SPON1: variants seen among roughly 807,000 people sequenced by gnomAD.
SPON1 encodes spondin-1.
SPON1 carries 52 observed loss-of-function variants against 111.7 expected under a neutral mutation model. The ratio of observed to expected loss-of-function variants is 0.47; its 90% confidence interval spans 0.37 to 0.59. The LOEUF (loss-of-function observed/expected upper bound fraction) is 0.59. SPON1 is among the 20% of genes least tolerant of loss of function. The pLI, the probability that SPON1 is intolerant of heterozygous loss-of-function variation, is 0.00. For missense variants in SPON1, 957 were observed against 1,068.5 expected (o/e 0.90, Z 1.46); for synonymous variants, 410 against 395.8 (o/e 1.04, Z -0.43).
At chr11:13,991,821 G>A (rs1425701407) in intron 2 of SPON1, among the ~76,000 whole-genome samples, 1 of 152,172 alleles carries the variant, frequency 6.6e-6, no homozygotes, top group Non-Finnish European at 1.5e-5. Flanking sequence ...AGGCCCCTGT[G>A]CTGCCAGTCT....
chr11:14,154,900 A>C (rs1847825809), intron 6 of SPON1, among the ~76,000 whole-genome samples: 1 of 152,066 alleles, frequency 6.6e-6, no homozygotes. Flanking sequence ...TCTAAGATAA[A>C]ATTTCTAAAT....
At chr11:14,157,819 A>G (rs1847866818) in intron 6 of SPON1, among the ~76,000 whole-genome samples, 1 of 152,072 alleles carries the variant, frequency 6.6e-6, no homozygotes, top group Admixed American at 6.6e-5. Flanking sequence ...AATTCTAGTT[A>G]TATTTATTAA....
At chr11:14,081,776 C>T (rs1264913152) in intron 5 of SPON1, among the ~76,000 whole-genome samples, 4 of 152,112 alleles carry the variant, frequency 2.6e-5, no homozygotes, top group South Asian at 2.1e-4. Flanking sequence ...CATGATTGGA[C>T]TTAAGAAGAC....
intron 5 of SPON1, among the ~76,000 whole-genome samples, chr11:14,083,333 A>G (rs1848978834): frequency 6.6e-6 from 1 of 152,230 alleles, no homozygotes; most frequent in Non-Finnish European, 1.5e-5. Context: ...TGGTTGAAGT[A>G]TGCGGAGAAA....
Position 14,259,289 on chromosome 11 carries a change from C to T in SPON1, c.1502C>T (p.Thr501Ile). The change falls in exon 12 of 16, where the codon ACC becomes ATC. Residue 501 changes from threonine to isoleucine, a missense_variant. This residue lies in a region of SPON1 where 549 missense variants were observed against 606.2 expected (regional missense o/e 0.91). Coordinates refer to ENST00000576479, the MANE Select transcript of SPON1 (RefSeq NM_006108.4). This position sits in a 1 kb window ranked among gnomAD's most constrained non-coding sequence, Gnocchi z 5.0. ...ACTCGGTGTGTTGCAGACGGCTCCA[C>T]CTGCACCATGTCCGAGTGGATCACC... ...GPGCSDEDGS[T>I]CTMSEWITWS... is the part of the protein sequence containing the mutation. 3 of 1,611,800 alleles carry T rather than the reference C, an allele frequency of 1.9e-6. No individual in the cohort carries two copies. The highest frequency in any genetic ancestry group is 2.5e-6 in the Non-Finnish European group (3 of 1,179,246).
At chr11:14,164,488 C>T (rs1848004248) in intron 6 of SPON1, among the ~76,000 whole-genome samples, 2 of 152,182 alleles carry the variant, frequency 1.3e-5, no homozygotes, top group Non-Finnish European at 2.9e-5. Context: ...CCCTCTTTGT[C>T]TTCTGGACTG....
intron 6 of SPON1, among the ~76,000 whole-genome samples, chr11:14,164,166 G>A (rs544547927): frequency 3.9e-5 from 6 of 152,172 alleles, no homozygotes; most frequent in African/African-American, 1.2e-4. Context: ...AAAGAAATTC[G>A]TTTATCCACA....
intron 6 of SPON1, among the ~76,000 whole-genome samples, chr11:14,153,937 A>G (rs1847813631): frequency 6.6e-6 from 1 of 152,242 alleles, no homozygotes; most frequent in Non-Finnish European, 1.5e-5. Context: ...CAGGGCAGTC[A>G]TTAAATCTCA....
intron 1 of SPON1, among the ~76,000 whole-genome samples, chr11:13,975,265 C>T (rs1554908955): frequency 6.6e-6 from 1 of 151,740 alleles, no homozygotes; most frequent in Admixed American, 6.6e-5. Flanking sequence ...CTAGTGTAGA[C>T]CAAATGCTCA....
rs550342778 is a variant in SPON1, at chr11:13,979,914, GCTGT to G, written c.239-2923_239-2920del. Among the ~76,000 whole-genome samples the G allele has an allele frequency of 1.8e-3, 278 of 152,174 alleles. 1 individual carries two copies. The highest frequency in any genetic ancestry group is 0.017 in the Middle Eastern group (5 of 294). On this transcript the variant is annotated intron_variant, in intron 1 of 15. Coordinates refer to ENST00000576479, the MANE Select transcript of SPON1 (RefSeq NM_006108.4). Reference sequence around the variant, plus strand: ...CTAGAGAGTCTAAGACTGCTTTTTGGCTGTCTGTCTGTCCTTCAGAGATTCCCAG... The same window carrying G: ...CTAGAGAGTCTAAGACTGCTTTTTGGCTGTCTGTCCTTCAGAGATTCCCAG...
At chr11:14,246,819 G>T (rs1340194021) in intron 7 of SPON1, among the ~76,000 whole-genome samples, 1 of 152,170 alleles carries the variant, frequency 6.6e-6, no homozygotes, top group Non-Finnish European at 1.5e-5. Context: ...TGAAGGAAAG[G>T]CATAAAGTGC....
At chr11:14,099,286 T>C (rs1348984463) in intron 5 of SPON1, among the ~76,000 whole-genome samples, 6 of 152,260 alleles carry the variant, frequency 3.9e-5, no homozygotes, top group Non-Finnish European at 7.3e-5. Flanking sequence ...TAATAAGCTG[T>C]GTAGCTTATT....
intron 6 of SPON1, among the ~76,000 whole-genome samples, chr11:14,198,399 A>C (rs1848425287): frequency 6.6e-6 from 1 of 152,224 alleles, no homozygotes; most frequent in South Asian, 2.1e-4. Flanking sequence ...TGGGATGTTG[A>C]CTGCCTCTTG....
rs565351378 is a variant in SPON1 at position 14,119,826 on chromosome 11, C to T, written c.677-15594C>T. Among the ~76,000 whole-genome samples the T allele has an allele frequency of 9.8e-5, 15 of 152,286 alleles. No homozygotes were observed. In the East Asian group the frequency reaches 2.5e-3, roughly 25 times the overall value. On this transcript the variant is annotated intron_variant, in intron 5 of 15. Transcript: ENST00000576479. The stretch of plus-strand genomic sequence containing the variant: ...CAGTTGGTTCTTATATTTAGCAGTA[C>T]ACAAACGTACACCAAATTCTAGAGC...
intron 2 of SPON1, among the ~76,000 whole-genome samples, chr11:14,001,778 A>C (rs1469427601): frequency 1.2e-4 from 19 of 152,210 alleles, no homozygotes; most frequent in Admixed American, 1.2e-3. Flanking sequence ...AAACATAATA[A>C]CCAAGAACTG....
chr11:14,086,297 C>G (rs1400155061), intron 5 of SPON1, among the ~76,000 whole-genome samples: 1 of 152,080 alleles, frequency 6.6e-6, no homozygotes, highest in African/African-American at 2.4e-5. Flanking sequence ...ATAAATAGCT[C>G]TTATTATTTT....
intron 6 of SPON1, among the ~76,000 whole-genome samples, chr11:14,196,312 G>A (rs577288768): frequency 6.6e-6 from 1 of 152,270 alleles, no homozygotes; most frequent in South Asian, 2.1e-4. Flanking sequence ...CTAGGCTTGT[G>A]GATGGGAGGG....
intron 5 of SPON1, among the ~76,000 whole-genome samples, chr11:14,127,591 C>G (rs546077691): frequency 6.6e-6 from 1 of 152,252 alleles, no homozygotes; most frequent in African/African-American, 2.4e-5. Flanking sequence ...ACTTTGAATC[C>G]CAGTGTCATA....
At chr11:14,015,479 A>T (rs1848438083) in intron 2 of SPON1, among the ~76,000 whole-genome samples, 1 of 152,216 alleles carries the variant, frequency 6.6e-6, no homozygotes, top group African/African-American at 2.4e-5. Context: ...TCTTAATAGT[A>T]TCACATTGAT....
Sources: gnomAD v4.1 joint callset for allele counts (sites outside exome capture counted in the v4.1 genomes callset) on GRCh38, gnomAD v4.1.1 for gene constraint, gnomAD v4.1.1 regional missense constraint, Gnocchi (gnomAD v3.1) non-coding constraint, MANE v1.5 for transcripts, NCBI Gene and HGNC (gene_info 2026-07-23, HGNC 2026-07-21) for gene names.